The following FAM83D variants were observed in gnomAD, a reference collection of about 807,000 sequenced individuals.
The protein encoded by FAM83D is scaffolding CK1 anchoring protein D.
In FAM83D, 26 loss-of-function variants were observed where a neutral mutation model predicts 25.4. That is an observed-to-expected ratio of 1.02 (90% CI 0.75 to 1.42). The LOEUF (loss-of-function observed/expected upper bound fraction) is 1.42, where lower values mean the gene tolerates loss of function less well. Among genes scored for constraint, FAM83D ranks in the 40% most tolerant of loss-of-function variants. FAM83D has a pLI of 0.00. For synonymous variants in FAM83D, 310 were observed against 318.5 expected, an observed-to-expected ratio of 0.97 and a Z score of 0.28; for missense variants, 740 against 758.1, an observed-to-expected ratio of 0.98 and a Z score of 0.28.
At chr20:38,934,709 G>A (rs725322) in intron 1 of FAM83D, among the ~76,000 whole-genome samples, 21,271 of 152,084 alleles carry the variant, frequency 0.14, 1,852 homozygotes, top group East Asian at 0.32. Context: ...AAGAGTTCAG[G>A]TGTTCGTCAG....
intron 1 of FAM83D, among the ~76,000 whole-genome samples, chr20:38,928,682 G>A (rs146102819): frequency 6.6e-6 from 1 of 152,172 alleles, no homozygotes; most frequent in African/African-American, 2.4e-5. Context: ...AGGCCAGAGG[G>A]AAACTATTAA....
chr20:38,936,303 C>T (rs2085678774), intron 1 of FAM83D, among the ~76,000 whole-genome samples: 1 of 152,098 alleles, frequency 6.6e-6, no homozygotes, highest in Admixed American at 6.5e-5. Flanking sequence ...TAGACCTGCC[C>T]ATTGAGTGTG....
intron 2 of FAM83D, 44 bp downstream of exon 2, chr20:38,942,170 T>C: frequency 6.3e-7 from 1 of 1,599,786 alleles, no homozygotes. Context: ...TCAACAAATA[T>C]GACCAAGCAT....
intron 3 of FAM83D, 42 bp from the exon 4 acceptor site, chr20:38,951,497 T>C: frequency 1.3e-6 from 2 of 1,572,652 alleles, no homozygotes; most frequent in Non-Finnish European, 1.7e-6. Context: ...ACAAAATTGC[T>C]CATCCTTACC....
At chr20:38,944,031 T>C (rs2085715107) in intron 2 of FAM83D, among the ~76,000 whole-genome samples, 1 of 152,240 alleles carries the variant, frequency 6.6e-6, no homozygotes, top group Non-Finnish European at 1.5e-5. Flanking sequence ...CCATGGCTTC[T>C]CAGCCTTTTG....
intron 1 of FAM83D, among the ~76,000 whole-genome samples, chr20:38,927,673 A>G (rs2085642306): frequency 6.6e-6 from 1 of 151,592 alleles, no homozygotes; most frequent in Admixed American, 6.6e-5. Flanking sequence ...TAATTTTTGT[A>G]TTTTTAGTAG....
At chr20:38,931,956 C>A (rs978884559) in intron 1 of FAM83D, among the ~76,000 whole-genome samples, 1 of 152,226 alleles carries the variant, frequency 6.6e-6, no homozygotes, top group Non-Finnish European at 1.5e-5. Flanking sequence ...GTCTGCCTTT[C>A]CACTCAGCAA....
At position 38,952,018 on chromosome 20, in the gene FAM83D, G is replaced by T. The variant is rs2085757439; in HGVS notation, c.1256G>T (p.Gly419Val). 2 of 1,614,182 alleles carry T rather than the reference G, an allele frequency of 1.2e-6. No homozygotes were observed. Among genetic ancestry groups the T allele is most frequent in the African/African-American group, 1.3e-5 (1 of 75,044 alleles). The change falls in exon 4 of 4, where the codon GGT becomes GTT. Residue 419 changes from glycine to valine, a missense_variant. Around this residue, in one of 3 missense-constraint regions of FAM83D, gnomAD observed 375 missense variants for 403.2 expected, o/e 0.93. Transcript: ENST00000619850. ...ACCAGCATCACCACAGCATGTGCTG[G>T]TACCCAGACTGCAGTCATCACCAGG... The part of the protein sequence containing the change: ...TQTSITTACA[G>V]TQTAVITRIA...
At chr20:38,950,183 C>G (rs1393602843) in intron 3 of FAM83D, among the ~76,000 whole-genome samples, 1 of 152,156 alleles carries the variant, frequency 6.6e-6, no homozygotes, top group Non-Finnish European at 1.5e-5. Context: ...CTCTTTCACT[C>G]AGAATTACTA....
intron 2 of FAM83D, among the ~76,000 whole-genome samples, chr20:38,946,560 C>A (rs1417262762): frequency 6.6e-6 from 1 of 152,210 alleles, no homozygotes; most frequent in Admixed American, 6.5e-5. Flanking sequence ...TCTCCCTCCT[C>A]CTGCTCCTTT....
rs1428715454 is a variant in FAM83D at position 38,941,996 on chromosome 20, A to C, written c.521A>C (p.Asp174Ala). The C allele has an allele frequency of 6.2e-7, 1 of 1,614,190 alleles. No homozygotes were observed. The highest frequency in any genetic ancestry group is 1.3e-5 in the African/African-American group (1 of 75,042). The change falls in exon 2 of 4, where the codon GAC becomes GCC. Residue 174 changes from aspartate (D) to alanine (A), a missense_variant. By Grantham distance (126) the Asp-to-Ala change is moderately radical. Coordinates refer to ENST00000619850, the MANE Select transcript of FAM83D (RefSeq NM_030919.3). ...GTCATGGACGTGTTCACAGACATCG[A>C]CATCTTCAGAGACCTGCAAGAAATA... ...AVVMDVFTDI[D>A]IFRDLQEICR...
intron 1 of FAM83D, 106 bp downstream of exon 1, chr20:38,927,031 C>G: frequency 7.2e-7 from 1 of 1,379,720 alleles, no homozygotes. Flanking sequence ...CCTCTGCGCC[C>G]TACCGGAAGC....
chr20:38,943,629 G>C (rs995115495), intron 2 of FAM83D, among the ~76,000 whole-genome samples: 6 of 152,178 alleles, frequency 3.9e-5, no homozygotes, highest in African/African-American at 1.4e-4. Context: ...AGCTAGCTTG[G>C]TCACTTTCAT....
At chr20:38,944,403 A>G (rs2085717083) in intron 2 of FAM83D, among the ~76,000 whole-genome samples, 1 of 152,224 alleles carries the variant, frequency 6.6e-6, no homozygotes, top group African/African-American at 2.4e-5. Flanking sequence ...CATGGAAAAG[A>G]GCATTATCAG....
intron 1 of FAM83D, among the ~76,000 whole-genome samples, chr20:38,928,457 GCAGA>G (rs1480249309): frequency 2.0e-5 from 3 of 152,150 alleles, no homozygotes; most frequent in Non-Finnish European, 4.4e-5. Context: ...TTTTGATGCA[GCAGA>G]CATTTTCCTT....
At chr20:38,944,953 A>T (rs1268411357) in intron 2 of FAM83D, among the ~76,000 whole-genome samples, 1 of 150,878 alleles carries the variant, frequency 6.6e-6, no homozygotes, top group East Asian at 1.9e-4. Context: ...AAAAAAAAAA[A>T]GGCCTATTTC....
At chr20:38,929,634 A>T (rs1311593791) in intron 1 of FAM83D, among the ~76,000 whole-genome samples, 1 of 150,752 alleles carries the variant, frequency 6.6e-6, no homozygotes, top group Non-Finnish European at 1.5e-5. Flanking sequence ...AAAAAAAGCC[A>T]GGCCATGGTA....
Position 38,926,882 on chromosome 20 carries a change from G to T in FAM83D, c.440G>T (p.Gly147Val). The part of the protein sequence containing the change: ...PRGAGEGGPY[G>V]CKDALRQQLR... ...GGCGCTGGCGAAGGTGGCCCCTACGGCTGCAAGGACGCTCTGCGCCAGCAG... is the reference window on the plus strand; with the variant it reads ...GGCGCTGGCGAAGGTGGCCCCTACGTCTGCAAGGACGCTCTGCGCCAGCAG... Residue 147 changes from glycine to valine, a missense_variant, in exon 1 of 4, where the codon GGC becomes GTC. Gly to Val is a moderately radical substitution (Grantham distance 109). Around this residue, in one of 3 missense-constraint regions of FAM83D, gnomAD observed 333 missense variants for 298.6 expected, o/e 1.12. Coordinates refer to ENST00000619850, the MANE Select transcript of FAM83D (RefSeq NM_030919.3). The T allele has an allele frequency of 6.7e-7, 1 of 1,498,938 alleles. No individual in the cohort carries two copies. Among genetic ancestry groups the T allele is most frequent in the Non-Finnish European group, 8.9e-7 (1 of 1,128,192 alleles). 92.9% of individuals were successfully genotyped at this position (1,498,938 alleles called of 1,614,324 possible).
intron 2 of FAM83D, among the ~76,000 whole-genome samples, chr20:38,946,593 A>G (rs1218348440): frequency 6.6e-6 from 1 of 152,082 alleles, no homozygotes; most frequent in Non-Finnish European, 1.5e-5. Flanking sequence ...CACTCCCCTC[A>G]CTTTAACCCC....
Sources: gnomAD v4.1 joint callset for allele counts (sites outside exome capture counted in the v4.1 genomes callset) on GRCh38, gnomAD v4.1.1 for gene constraint, gnomAD v4.1.1 regional missense constraint, MANE v1.5 for transcripts, NCBI Gene and HGNC (gene_info 2026-07-23, HGNC 2026-07-21) for gene names.